Variants in GABRG1 observed in about 807,000 individuals in gnomAD.
The protein encoded by GABRG1 is gamma-aminobutyric acid type A receptor subunit gamma1.
Under a neutral mutation model 49.8 loss-of-function variants are expected in GABRG1, and 49 were observed. That is an observed-to-expected ratio of 0.98 (90% confidence interval 0.78 to 1.25). The LOEUF is 1.25. GABRG1 is among the 50% of genes most tolerant of loss of function. The pLI, the probability that GABRG1 is intolerant of heterozygous loss-of-function variation, is 0.00. For missense variants in GABRG1, 552 were observed against 552.3 expected, an observed-to-expected ratio of 1.00 and a Z score of 0.01; for synonymous variants, 232 against 185.1, an observed-to-expected ratio of 1.25 and a Z score of -2.06.
intron 3 of GABRG1, among the ~76,000 whole-genome samples, chr4:46,068,581 A>G (rs184619032): frequency 6.4e-4 from 98 of 152,246 alleles, no homozygotes; most frequent in African/African-American, 2.0e-3. Flanking sequence ...GACTCAGAGC[A>G]TATGTCTTGA....
intron 2 of GABRG1, among the ~76,000 whole-genome samples, chr4:46,088,342 A>T (rs1719857335): frequency 6.6e-6 from 1 of 152,106 alleles, no homozygotes; most frequent in African/African-American, 2.4e-5. Context: ...AGTATGCCTT[A>T]TAGTCTGAAC....
In GABRG1 at chr4:46,040,936, A is replaced by C; in HGVS notation, c.*52T>G. The stretch of plus-strand genomic sequence containing the variant: ...ACTTCAAGTTACTGAAGCACAAAAG[A>C]TTCTACTGAATTTAGTCAGACTTCT... On this transcript the variant is annotated 3_prime_UTR_variant, in exon 9 of 9. Coordinates refer to ENST00000295452, the MANE Select transcript of GABRG1 (RefSeq NM_173536.4). 3 of 1,531,584 alleles carry C rather than the reference A, an allele frequency of 2.0e-6. No individual in the cohort carries two copies. The highest frequency in any genetic ancestry group is 2.7e-6 in the Non-Finnish European group (3 of 1,130,704). The allele number at this position is 1,531,584 out of a possible 1,614,324, so 94.9% of individuals were successfully genotyped here.
At chr4:46,095,553 A>G (rs1720139462) in intron 2 of GABRG1, among the ~76,000 whole-genome samples, 1 of 151,818 alleles carries the variant, frequency 6.6e-6, no homozygotes, top group Non-Finnish European at 1.5e-5. Context: ...AGACTAAGTA[A>G]ATTACAAGGA....
Position 46,040,960 on chromosome 4 carries a change from CT to C in GABRG1, c.*27del. 1.3e-6 allele frequency: 2 copies of C among 1,589,344 alleles called. No homozygotes were observed. The highest frequency in any genetic ancestry group is 1.1e-5 in the South Asian group (1 of 87,322). ...GATTCTACTGAATTTAGTCAGACTT[CT>C]TTTGATTTTTGCTTATGAAGTAGAT... On this transcript the variant is annotated 3_prime_UTR_variant, in exon 9 of 9. Coordinates refer to ENST00000295452, the MANE Select transcript of GABRG1 (RefSeq NM_173536.4).
At chr4:46,117,606 C>CTA (rs781217307) in intron 1 of GABRG1, among the ~76,000 whole-genome samples, 2,986 of 136,212 alleles carry the variant, frequency 0.022, 41 homozygotes, top group Middle Eastern at 0.032. Flanking sequence ...CTCTCTCTCT[C>CTA]TCTCTCTATA....
chr4:46,090,202 G>GA (rs947996614), intron 2 of GABRG1, among the ~76,000 whole-genome samples: 1 of 151,894 alleles, frequency 6.6e-6, no homozygotes, highest in East Asian at 1.9e-4. Flanking sequence ...CAGATGCACA[G>GA]AAAAAAATGC....
chr4:46,064,357 A>G (rs1718826264), intron 5 of GABRG1, 84 bp downstream of exon 5: 1 of 727,528 alleles, frequency 1.4e-6, no homozygotes, highest in Non-Finnish European at 2.3e-6. Flanking sequence ...TGAAAATCCT[A>G]TTTTATTTTC....
At chr4:46,045,979 T>C (rs1029270584) in intron 8 of GABRG1, among the ~76,000 whole-genome samples, 3 of 152,122 alleles carry the variant, frequency 2.0e-5, no homozygotes, top group African/African-American at 4.8e-5. Flanking sequence ...TTTGGTACAG[T>C]AAGAATCAGA....
chr4:46,046,440 A>G (rs545235045), intron 8 of GABRG1, among the ~76,000 whole-genome samples: 8 of 152,228 alleles, frequency 5.3e-5, no homozygotes, highest in Admixed American at 1.3e-4. Flanking sequence ...CAATTGTTTA[A>G]GTAACCTTCT....
At chr4:46,112,228 T>C (rs1720739376) in intron 1 of GABRG1, among the ~76,000 whole-genome samples, 1 of 151,044 alleles carries the variant, frequency 6.6e-6, no homozygotes, top group Admixed American at 6.6e-5. Flanking sequence ...CCAGCAAACA[T>C]AGGGAACATA....
chr4:46,059,155 A>G lies in GABRG1; in HGVS notation c.626-533T>C, dbSNP rs115621434. ...TACGTAGCTAAATTTCTTCCATTGT[A>G]AAAACACACCGAAATTTATCTATTA... On this transcript the variant is annotated intron_variant, in intron 5 of 8. Transcript: ENST00000295452. Among the ~76,000 whole-genome samples, 1,186 of 152,226 alleles carry G rather than the reference A, an allele frequency of 7.8e-3. 6 individuals carry two copies. The highest frequency in any genetic ancestry group is 8.4e-3 in the Non-Finnish European group (569 of 68,014).
chr4:46,061,245 A>T (rs1718660918), intron 5 of GABRG1, among the ~76,000 whole-genome samples: 1 of 152,102 alleles, frequency 6.6e-6, no homozygotes, highest in Non-Finnish European at 1.5e-5. Flanking sequence ...ATCCACTTCA[A>T]AGTTACTGTT....
At position 46,065,542 on chromosome 4, in the gene GABRG1, T is replaced by C; in HGVS notation, c.364A>G (p.Ser122Gly). ...DIIFAQTWFDSRLKFNSTMKV... is the reference protein window; with the variant it reads ...DIIFAQTWFDGRLKFNSTMKV... ...ATGGTACTATTGAATTTTAAACGAC[T>C]GTCAAACCAGGTTTGGGCAAAAATT... Residue 122 changes from serine (S) to glycine (G), a missense_variant, in exon 4 of 9, where the codon AGT becomes GGT. Coordinates refer to ENST00000295452, the MANE Select transcript of GABRG1 (RefSeq NM_173536.4). The C allele has an allele frequency of 2.5e-6, 4 of 1,605,726 alleles. No homozygotes were observed. Among genetic ancestry groups the C allele is most frequent in the Non-Finnish European group, 3.4e-6 (4 of 1,172,992 alleles).
At chr4:46,113,715 G>T (rs919183564) in intron 1 of GABRG1, among the ~76,000 whole-genome samples, 1 of 151,172 alleles carries the variant, frequency 6.6e-6, no homozygotes, top group African/African-American at 2.4e-5. Flanking sequence ...ACTCCAAAAT[G>T]GTAGAAGGTG....
chr4:46,052,945 G>A (rs566841096), intron 7 of GABRG1, among the ~76,000 whole-genome samples: 4 of 151,780 alleles, frequency 2.6e-5, no homozygotes, highest in Admixed American at 1.3e-4. Flanking sequence ...AAATATTAAA[G>A]GTGAAACAGT....
intron 8 of GABRG1, among the ~76,000 whole-genome samples, chr4:46,045,065 T>G (rs1048533365): frequency 6.6e-6 from 1 of 151,986 alleles, no homozygotes; most frequent in Non-Finnish European, 1.5e-5. Context: ...CCGGGCCTAT[T>G]TGGGGAACAA....
In GABRG1 at chr4:46,124,044, G is replaced by A. The variant is rs2109451459; in HGVS notation, c.-131C>T. On this transcript the variant is annotated 5_prime_UTR_variant, in exon 1 of 9. Coordinates refer to ENST00000295452, the MANE Select transcript of GABRG1 (RefSeq NM_173536.4). ...AGGCAGTGCACCTCCCAAACAGGTA[G>A]GATGCGACTCCCAGCAGAATTGAGC... is the stretch of plus-strand genomic sequence containing the variant. 1 of 651,228 alleles carries A rather than the reference G, an allele frequency of 1.5e-6. No homozygotes were observed. Among genetic ancestry groups the A allele is most frequent in the East Asian group, 2.7e-5 (1 of 36,456 alleles). The allele number at this position is 651,228 out of a possible 1,614,324, so 40.3% of individuals were successfully genotyped here.
At chr4:46,114,744 C>T (rs1560375906) in intron 1 of GABRG1, among the ~76,000 whole-genome samples, 1 of 150,714 alleles carries the variant, frequency 6.6e-6, no homozygotes, top group Non-Finnish European at 1.5e-5. Context: ...TAACTGTGGT[C>T]CTTAATTTAA....
intron 2 of GABRG1, among the ~76,000 whole-genome samples, chr4:46,087,717 A>C (rs1404118278): frequency 6.6e-6 from 1 of 151,920 alleles, no homozygotes; most frequent in African/African-American, 2.4e-5. Context: ...TATGATTAAC[A>C]TGTTCCAGTT....
Sources: gnomAD v4.1 joint callset for allele counts (sites outside exome capture counted in the v4.1 genomes callset) on GRCh38, gnomAD v4.1.1 for gene constraint, MANE v1.5 for transcripts, NCBI Gene and HGNC (gene_info 2026-07-23, HGNC 2026-07-21) for gene names.